The following LAMC3 variants were observed in gnomAD, a reference collection of about 807,000 sequenced individuals.
LAMC3 encodes the protein laminin subunit gamma 3.
A neutral mutation model predicts 173.8 loss-of-function variants in LAMC3; 128 were observed. That is an observed-to-expected ratio of 0.74 (90% confidence interval 0.64 to 0.85). The LOEUF is 0.85. Among genes scored for constraint, LAMC3 ranks in the 40% least tolerant of loss-of-function variants. The pLI is 0.00. For missense variants in LAMC3, 2,022 were observed against 2,156.0 expected (o/e 0.94, Z 1.23); for synonymous variants, 897 against 909.1 (o/e 0.99, Z 0.24).
intron 9 of LAMC3, among the ~76,000 whole-genome samples, chr9:131,049,956 C>T (rs1441383116): frequency 6.6e-6 from 1 of 152,218 alleles, no homozygotes; most frequent in Non-Finnish European, 1.5e-5. Context: ...GCCAGCACCC[C>T]CGACCAGCTC....
At chr9:131,083,290 G>T (rs562438917) in intron 24 of LAMC3, among the ~76,000 whole-genome samples, 1 of 152,148 alleles carries the variant, frequency 6.6e-6, no homozygotes, top group Non-Finnish European at 1.5e-5. Context: ...GTGTGTAGTG[G>T]ATGGAAATTT....
chr9:131,089,031 G>A (rs1273474309), intron 27 of LAMC3, among the ~76,000 whole-genome samples: 1 of 152,052 alleles, frequency 6.6e-6, no homozygotes. Flanking sequence ...GTTGCAGTGA[G>A]CCAGGATCAC....
rs546847745 is a variant in LAMC3, at chr9:131,009,465, G to C, written c.251G>C (p.Arg84Pro). The change falls in exon 1 of 28, where the codon CGC becomes CCC. Residue 84 changes from arginine to proline, a missense_variant. Coordinates refer to ENST00000361069, the MANE Select transcript of LAMC3 (RefSeq NM_006059.4). The surrounding 1 kb of genome is among the most constrained non-coding windows in gnomAD (Gnocchi z 4.3). ...CGCTGCGACGCCGCCGACCCCCAGC[G>C]CCACCACAACGCCTCCTACCTCACC... ...CQRCDAADPQ[R>P]HHNASYLTDF... The C allele has an allele frequency of 7.1e-6, 11 of 1,548,424 alleles. No homozygotes were observed. The highest frequency in any genetic ancestry group is 9.6e-6 in the Non-Finnish European group (11 of 1,146,624).
At chr9:131,012,950 G>A (rs2133201096) in intron 1 of LAMC3, among the ~76,000 whole-genome samples, 1 of 152,374 alleles carries the variant, frequency 6.6e-6, no homozygotes, top group Middle Eastern at 3.4e-3. Flanking sequence ...TGGGATGAAA[G>A]GCAGCAGTGG....
At chr9:131,043,845 A>G (rs191331458) in intron 7 of LAMC3, among the ~76,000 whole-genome samples, 148 of 152,250 alleles carry the variant, frequency 9.7e-4, no homozygotes, top group Non-Finnish European at 1.5e-3. Flanking sequence ...CAAAATATCT[A>G]TTAATTACTG....
At chr9:131,071,081 T>C (rs1314988876) in intron 17 of LAMC3, among the ~76,000 whole-genome samples, 1 of 152,158 alleles carries the variant, frequency 6.6e-6, no homozygotes, top group Non-Finnish European at 1.5e-5. Flanking sequence ...CAGTTATTGT[T>C]TGTCTGATGA....
In LAMC3 at chr9:131,068,925, T is replaced by C. The variant is rs1420873668; in HGVS notation, c.2765T>C (p.Leu922Pro). ...RGCRSCKCHP[L>P]GSQEDQCHPK... ...GATCACAGCTGCAAGTGTCACCCAC[T>C]GGGCTCCCAGGAGGACCAGTGCCAT... The change falls in exon 16 of 28, where the codon CTG becomes CCG. Residue 922 changes from leucine (L) to proline (P), a missense_variant. Transcript: ENST00000361069. 6.2e-7 allele frequency: 1 copy of C among 1,614,058 alleles called. No homozygotes were observed. The highest frequency in any genetic ancestry group is 8.5e-7 in the Non-Finnish European group (1 of 1,180,020).
chr9:131,083,865 CTTTTTTT>C (rs61109597), intron 24 of LAMC3, among the ~76,000 whole-genome samples: 5 of 49,258 alleles, frequency 1.0e-4, no homozygotes, highest in Non-Finnish European at 1.4e-4. Flanking sequence ...GTAATAAGTG[CTTTTTTT>C]TTTTTTTTTT....
chr9:131,069,250 T>C (rs1313887036), intron 16 of LAMC3, among the ~76,000 whole-genome samples, 200 bp downstream of exon 16: 1 of 152,116 alleles, frequency 6.6e-6, no homozygotes, highest in Non-Finnish European at 1.5e-5. Flanking sequence ...CCCAGAGCAG[T>C]GGGTGCAGGG....
Position 131,009,729 on chromosome 9 carries a change from G to A in LAMC3, c.373+142G>A. On this transcript the variant is annotated intron_variant, in intron 1 of 27. Coordinates refer to ENST00000361069, the MANE Select transcript of LAMC3 (RefSeq NM_006059.4). This position sits in a 1 kb window ranked among gnomAD's most constrained non-coding sequence, Gnocchi z 4.3. Reference sequence around the variant, plus strand: ...GTTGGATGGAGGGGCTCAGAAATAGGAATTAGGCTGGGTGCGGTGGCTCAC... The same window carrying A: ...GTTGGATGGAGGGGCTCAGAAATAGAAATTAGGCTGGGTGCGGTGGCTCAC... 1 of 1,052,360 alleles carries A rather than the reference G, an allele frequency of 9.5e-7. No homozygotes were observed. The highest frequency in any genetic ancestry group is 1.4e-6 in the Non-Finnish European group (1 of 735,352). The allele number at this position is 1,052,360 out of a possible 1,614,324, so 65.2% of individuals were successfully genotyped here. A position where few individuals can be genotyped will look rare whatever the true frequency, so the allele number is the denominator to read the frequency against.
At chr9:131,058,514 C>A (rs11244267) in intron 12 of LAMC3, among the ~76,000 whole-genome samples, 2,424 of 152,258 alleles carry the variant, frequency 0.016, 41 homozygotes, top group Non-Finnish European at 0.024. Context: ...CACTCCCACA[C>A]TGACGGCTTC....
chr9:131,064,064 T>G (rs1829879934), intron 13 of LAMC3, among the ~76,000 whole-genome samples: 1 of 152,100 alleles, frequency 6.6e-6, no homozygotes, highest in Non-Finnish European at 1.5e-5. Context: ...TGCACCACCA[T>G]GCCCGGCTAA....
intron 17 of LAMC3, 50 bp downstream of exon 17, chr9:131,069,900 C>A (rs920758811): frequency 1.2e-5 from 18 of 1,526,482 alleles, no homozygotes; most frequent in Non-Finnish European, 1.5e-5. Flanking sequence ...GTATTCCCAG[C>A]AAGTGCCAGC....
chr9:131,083,867 T>C (rs1185984957), intron 24 of LAMC3, among the ~76,000 whole-genome samples: 1 of 16,832 alleles, frequency 5.9e-5, no homozygotes, highest in Non-Finnish European at 1.2e-4. Flanking sequence ...AATAAGTGCT[T>C]TTTTTTTTTT....
rs1298704210 is a variant in LAMC3, at chr9:131,077,249, A to C, written c.3692A>C (p.Glu1231Ala). The C allele has an allele frequency of 6.2e-7, 1 of 1,613,946 alleles. No homozygotes were observed. Among genetic ancestry groups the C allele is most frequent in the East Asian group, 2.2e-5 (1 of 44,888 alleles). The change falls in exon 22 of 28, where the codon GAA (glutamate) becomes GCA (alanine). Residue 1231 changes from glutamate to alanine, a missense_variant. Transcript: ENST00000361069. The part of the protein sequence containing the change: ...LRTAVAEVLP[E>A]AESVLATVQQ... Reference sequence around the variant, plus strand: ...ACGGCTGTGGCAGAGGTGCTGCCTGAAGCGGAAAGCGTGTTGGCCACCGTG... The same window carrying C: ...ACGGCTGTGGCAGAGGTGCTGCCTGCAGCGGAAAGCGTGTTGGCCACCGTG...
chr9:131,089,238 T>C (rs1030316396), intron 27 of LAMC3, among the ~76,000 whole-genome samples: 1 of 150,086 alleles, frequency 6.7e-6, no homozygotes, highest in African/African-American at 2.5e-5. Flanking sequence ...GACCAGTTAA[T>C]GGGTGCAGCA....
intron 13 of LAMC3, among the ~76,000 whole-genome samples, chr9:131,066,316 C>T (rs1009834591): frequency 1.3e-5 from 2 of 151,846 alleles, no homozygotes; most frequent in Admixed American, 6.6e-5. Flanking sequence ...CATGGTGAAA[C>T]CCCGTCTCTA....
chr9:131,027,546 A>G (rs967322892), intron 2 of LAMC3, among the ~76,000 whole-genome samples: 1 of 152,190 alleles, frequency 6.6e-6, no homozygotes, highest in African/African-American at 2.4e-5. Flanking sequence ...TGGTGCCACC[A>G]GCCACCATGA....
At chr9:131,069,943 C>T in intron 17 of LAMC3, 93 bp downstream of exon 17, 1 of 1,304,680 alleles carries the variant, frequency 7.7e-7, no homozygotes, top group South Asian at 1.3e-5. Context: ...GCCTGCTTAC[C>T]CCCAGTGCTC....
Sources: gnomAD v4.1 joint callset for allele counts (sites outside exome capture counted in the v4.1 genomes callset) on GRCh38, gnomAD v4.1.1 for gene constraint, Gnocchi (gnomAD v3.1) non-coding constraint, MANE v1.5 for transcripts, NCBI Gene and HGNC (gene_info 2026-07-23, HGNC 2026-07-21) for gene names.